SETDB2: variants seen among roughly 807,000 people sequenced by gnomAD.
SETDB2 encodes histone-lysine N-methyltransferase SETDB2.
Under a neutral mutation model 82.5 loss-of-function variants are expected in SETDB2, and 56 were observed. That is an observed-to-expected ratio of 0.68 (90% confidence interval 0.55 to 0.85). The LOEUF is 0.85. SETDB2 is among the 40% of genes least tolerant of loss of function. SETDB2 has a pLI of 0.00. For synonymous variants in SETDB2, 272 were observed against 284.9 expected (o/e 0.95, Z 0.46); for missense variants, 677 against 816.4 (o/e 0.83, Z 2.08).
At chr13:49,451,289 T>C (rs1051835245) in intron 1 of SETDB2, among the ~76,000 whole-genome samples, 6 of 151,054 alleles carry the variant, frequency 4.0e-5, no homozygotes, top group African/African-American at 7.3e-5. Flanking sequence ...AAAAGACTTA[T>C]AAAATGGAGA....
rs146702915 is a variant in SETDB2, at chr13:49,476,785, A to G, written c.615A>G (p.Leu205=). 6.2e-7 allele frequency: 1 copy of G among 1,613,488 alleles called. No homozygotes were observed. Among genetic ancestry groups the G allele is most frequent in the Non-Finnish European group, 8.5e-7 (1 of 1,179,604 alleles). ...RYLLETECNF[L]FTDNFSFNTY... ...TGCTTGAGACAGAGTGTAACTTTTT[A>G]TTTACAGATAACTTTTCTTTCAATA... is the stretch of plus-strand genomic sequence containing the variant. The change falls in exon 6 of 14, where the codon TTA becomes TTG. Residue 205 remains leucine, a synonymous_variant. Transcript: ENST00000611815.
At chr13:49,472,300 T>C (rs1325932651) in intron 5 of SETDB2, among the ~76,000 whole-genome samples, 1 of 152,142 alleles carries the variant, frequency 6.6e-6, no homozygotes, top group Non-Finnish European at 1.5e-5. Context: ...TCATAGAGGA[T>C]AGAATGACTT....
intron 8 of SETDB2, 52 bp from the exon 9 acceptor site, chr13:49,482,685 C>A: frequency 8.6e-7 from 1 of 1,159,198 alleles, no homozygotes; most frequent in Non-Finnish European, 1.3e-6. Flanking sequence ...GTCTGTTTAT[C>A]ATTAGCAATT....
chr13:49,463,514 G>T (rs796900423), intron 4 of SETDB2, among the ~76,000 whole-genome samples: 3 of 152,166 alleles, frequency 2.0e-5, no homozygotes, highest in East Asian at 3.9e-4. Flanking sequence ...GGCATGAAGC[G>T]TAGTGGCATG....
chr13:49,490,106 G>A (rs1216970043), intron 12 of SETDB2, among the ~76,000 whole-genome samples: 5 of 149,984 alleles, frequency 3.3e-5, no homozygotes, highest in Non-Finnish European at 5.9e-5. Context: ...GCAAAACCCC[G>A]TCACTACTAA....
chr13:49,465,476 G>A (rs770994730), intron 4 of SETDB2, among the ~76,000 whole-genome samples: 2 of 151,782 alleles, frequency 1.3e-5, no homozygotes, highest in African/African-American at 4.8e-5. Flanking sequence ...CTTATTATTT[G>A]TAAAATTAAT....
chr13:49,478,270 T>G (rs1313216655), intron 6 of SETDB2, among the ~76,000 whole-genome samples: 1 of 152,182 alleles, frequency 6.6e-6, no homozygotes, highest in African/African-American at 2.4e-5. Flanking sequence ...TACCTCTAAA[T>G]GTAACCCAAC....
rs1014741610 is a variant in SETDB2 at position 49,457,089 on chromosome 13, C to A, written c.17-3018C>A. 1.1e-4 allele frequency among the ~76,000 whole-genome samples: 16 copies of A among 152,054 alleles called. No individual in the cohort carries two copies. In the East Asian group the frequency reaches 3.1e-3, roughly 29 times the overall value. On this transcript the variant is annotated intron_variant, in intron 2 of 13. Transcript: ENST00000611815. Reference sequence around the variant, plus strand: ...GGCTTTGTGTTTTTAAATTATATTACCAGTGTCCTTTTTTTTTTCAAAATC... The same window carrying A: ...GGCTTTGTGTTTTTAAATTATATTAACAGTGTCCTTTTTTTTTTCAAAATC...
intron 13 of SETDB2, among the ~76,000 whole-genome samples, chr13:49,491,372 A>G (rs1438577667): frequency 6.6e-6 from 1 of 152,238 alleles, no homozygotes; most frequent in African/African-American, 2.4e-5. Context: ...TGAAGATATC[A>G]GGTATCACCC....
At chr13:49,482,184 G>T in intron 8 of SETDB2, 1 of 985,388 alleles carries the variant, frequency 1.0e-6, no homozygotes, top group Non-Finnish European at 1.2e-6. Context: ...ATATGTCTCC[G>T]ATCTAACAAT....
rs751136767 is a variant in SETDB2, at chr13:49,476,513, A to G, written c.343A>G (p.Lys115Glu). 1.1e-5 allele frequency: 18 copies of G among 1,600,816 alleles called. No homozygotes were observed. The highest frequency in any genetic ancestry group is 7.0e-5 in the Admixed American group (4 of 57,146). ...ENKEILSLED[K>E]VVDFREKDSS... ...TAAGGAAATTCTCTCTCTTGAAGATAAAGTTGTAGACTTTAGAGAAAAAGA... is the reference window on the plus strand; with the variant it reads ...TAAGGAAATTCTCTCTCTTGAAGATGAAGTTGTAGACTTTAGAGAAAAAGA... Residue 115 changes from lysine to glutamate, a missense_variant, in exon 6 of 14, where the codon AAA becomes GAA. Around this residue, in one of 3 missense-constraint regions of SETDB2, gnomAD observed 243 missense variants for 237.2 expected, o/e 1.02. Transcript: ENST00000611815.
chr13:49,487,100 ATACT>A (rs1388529262), intron 11 of SETDB2, among the ~76,000 whole-genome samples: 1 of 152,238 alleles, frequency 6.6e-6, no homozygotes, highest in Non-Finnish European at 1.5e-5. Context: ...CAAAAGCTAC[ATACT>A]TTTTGTATAA....
intron 5 of SETDB2, among the ~76,000 whole-genome samples, chr13:49,472,606 C>T (rs1043872014): frequency 1.3e-5 from 2 of 152,030 alleles, no homozygotes; most frequent in Non-Finnish European, 2.9e-5. Context: ...TATCTTCACA[C>T]CTAAATAAAG....
chr13:49,448,364 A>G (rs1171335460), intron 1 of SETDB2, among the ~76,000 whole-genome samples: 1 of 152,110 alleles, frequency 6.6e-6, no homozygotes, highest in Non-Finnish European at 1.5e-5. Context: ...CTTTTTTCCC[A>G]GCTTCTTTAA....
intron 4 of SETDB2, among the ~76,000 whole-genome samples, chr13:49,462,418 A>AC (rs1958015026): frequency 6.6e-6 from 1 of 152,180 alleles, no homozygotes; most frequent in Non-Finnish European, 1.5e-5. Context: ...TATGTCAGGA[A>AC]CTGGGGATTA....
chr13:49,472,522 A>G (rs939645433), intron 5 of SETDB2, among the ~76,000 whole-genome samples: 2 of 152,002 alleles, frequency 1.3e-5, no homozygotes, highest in Admixed American at 1.3e-4. Flanking sequence ...TACCTCTAGC[A>G]CTTTTAATCA....
intron 4 of SETDB2, among the ~76,000 whole-genome samples, chr13:49,463,531 T>C (rs7995899): frequency 0.021 from 3,176 of 152,154 alleles, 120 homozygotes; most frequent in African/African-American, 0.07. Flanking sequence ...CATGAAAGGG[T>C]ACAGAGGCAG....
intron 1 of SETDB2, among the ~76,000 whole-genome samples, chr13:49,449,884 C>A (rs1957755885): frequency 1.3e-5 from 2 of 152,152 alleles, no homozygotes; most frequent in Non-Finnish European, 2.9e-5. Context: ...GTTCATTTTT[C>A]ATCATCAGAT....
intron 5 of SETDB2, among the ~76,000 whole-genome samples, chr13:49,472,321 C>T (rs1477145266): frequency 6.6e-6 from 1 of 152,106 alleles, no homozygotes; most frequent in East Asian, 1.9e-4. Context: ...CTTACTTTAG[C>T]CTTGCCAAAA....
Sources: gnomAD v4.1 joint callset for allele counts (sites outside exome capture counted in the v4.1 genomes callset) on GRCh38, gnomAD v4.1.1 for gene constraint, gnomAD v4.1.1 regional missense constraint, MANE v1.5 for transcripts, NCBI Gene and HGNC (gene_info 2026-07-23, HGNC 2026-07-21) for gene names.